The following SYN2 variants were observed in gnomAD, a reference collection of about 807,000 sequenced individuals.
The protein encoded by SYN2 is synapsin-2.
SYN2 carries 19 observed loss-of-function variants against 50.9 expected under a neutral mutation model. The observed-to-expected ratio is 0.37, with a 90% CI of 0.26 to 0.55. The LOEUF (loss-of-function observed/expected upper bound fraction) is 0.55. Ranked by LOEUF, SYN2 falls within the 20% of genes least tolerant of loss-of-function variation. The probability of loss-of-function intolerance (pLI) is 0.81; values close to 1 mark genes in which losing one functional copy is unlikely to be tolerated. For synonymous variants in SYN2, 255 were observed against 224.9 expected (o/e 1.13, Z -1.20); for missense variants, 587 against 576.4 (o/e 1.02, Z -0.19).
intron 1 of SYN2, among the ~76,000 whole-genome samples, chr3:12,125,954 A>T (rs1429004075): frequency 6.6e-6 from 1 of 152,152 alleles, no homozygotes; most frequent in Non-Finnish European, 1.5e-5. Context: ...GAGGTAGGAT[A>T]TGATGATGTC....
chr3:12,088,867 A>C (rs1014940270), intron 1 of SYN2, among the ~76,000 whole-genome samples: 1 of 152,164 alleles, frequency 6.6e-6, no homozygotes, highest in African/African-American at 2.4e-5. Context: ...AATGATGACT[A>C]GGGGAAGTGG....
intron 1 of SYN2, among the ~76,000 whole-genome samples, chr3:12,126,647 G>A (rs755241053): frequency 2.0e-4 from 30 of 152,160 alleles, no homozygotes; most frequent in Admixed American, 7.9e-4. Flanking sequence ...TTCAAATCCT[G>A]AATCTTCCAC....
chr3:12,094,308 A>C (rs540963741), intron 1 of SYN2, among the ~76,000 whole-genome samples: 9 of 152,384 alleles, frequency 5.9e-5, no homozygotes, highest in African/African-American at 1.7e-4. Context: ...TTGGCCCCAG[A>C]AACAGGATGG....
intron 5 of SYN2, chr3:12,158,928 G>T: frequency 7.0e-7 from 1 of 1,422,446 alleles, no homozygotes; most frequent in African/African-American, 1.5e-5. Flanking sequence ...TGTGCCCCTC[G>T]CCCCAGGCTT....
At chr3:12,011,403 G>T (rs762753527) in intron 1 of SYN2, among the ~76,000 whole-genome samples, 1 of 152,170 alleles carries the variant, frequency 6.6e-6, no homozygotes, top group African/African-American at 2.4e-5. Flanking sequence ...GCAGGAAGAC[G>T]TAGTTTTTAG....
chr3:12,143,054 GA>G (rs1236662451), intron 3 of SYN2, among the ~76,000 whole-genome samples: 1 of 152,172 alleles, frequency 6.6e-6, no homozygotes, highest in Non-Finnish European at 1.5e-5. Context: ...GGGTAATGGG[GA>G]TACATGAACG....
At chr3:12,149,817 G>C (rs1239986013) in intron 4 of SYN2, among the ~76,000 whole-genome samples, 3 of 152,066 alleles carry the variant, frequency 2.0e-5, no homozygotes, top group Non-Finnish European at 2.9e-5. Flanking sequence ...ACCTACAAAA[G>C]GACCACAACA....
chr3:12,043,140 G>A (rs1483361638), intron 1 of SYN2, among the ~76,000 whole-genome samples: 3 of 151,112 alleles, frequency 2.0e-5, no homozygotes, highest in East Asian at 3.9e-4. Context: ...CTCCCACCTC[G>A]GCCTCCCAAG....
At chr3:12,171,072 GGACCCT>G (rs1385382104) in intron 10 of SYN2, among the ~76,000 whole-genome samples, 1 of 152,100 alleles carries the variant, frequency 6.6e-6, no homozygotes. Context: ...TAATAAATGT[GGACCCT>G]GACTCTTTCT....
chr3:12,153,472 A>G (rs1245112129), intron 5 of SYN2: 1 of 1,606,620 alleles, frequency 6.2e-7, no homozygotes, highest in Non-Finnish European at 8.5e-7. Flanking sequence ...AACTGGCTTG[A>G]TCTTCAGGAC....
rs112071511 is a variant in SYN2, at chr3:12,068,231, C to A, written c.377+63303C>A. Among the ~76,000 whole-genome samples the A allele has an allele frequency of 0.016, 5 of 306 alleles. No individual in the cohort carries two copies. In the South Asian group the frequency reaches 0.19, roughly 11 times the overall value. The allele number at this position is 306 out of a possible 152,430, so 0.2% of individuals were successfully genotyped here. ...CATGTCTGAAAATATCTTTATACTACCTTGTACTTATTGATAGTTTGCTGG... is the reference window on the plus strand; with the variant it reads ...CATGTCTGAAAATATCTTTATACTAACTTGTACTTATTGATAGTTTGCTGG... On this transcript the variant is annotated intron_variant, in intron 1 of 12. Coordinates refer to ENST00000621198, the MANE Select transcript of SYN2 (RefSeq NM_133625.6).
At chr3:12,143,024 C>T (rs981354208) in intron 3 of SYN2, among the ~76,000 whole-genome samples, 6 of 152,122 alleles carry the variant, frequency 3.9e-5, no homozygotes, top group East Asian at 1.9e-4. Flanking sequence ...TGGATGGGCT[C>T]CTCCAGCTGT....
intron 4 of SYN2, 98 bp from the exon 5 acceptor site, chr3:12,151,139 C>T: frequency 1.2e-6 from 1 of 855,546 alleles, no homozygotes. Flanking sequence ...ATAAAGTCCT[C>T]CACAGAGCAA....
chr3:12,007,389 A>G (rs1170286616), intron 1 of SYN2, among the ~76,000 whole-genome samples: 3 of 146,590 alleles, frequency 2.0e-5, no homozygotes, highest in African/African-American at 8.3e-5. Context: ...CTCTTCTAAT[A>G]TGGGCCTAAA....
At chr3:12,047,411 AG>A (rs1694762993) in intron 1 of SYN2, among the ~76,000 whole-genome samples, 1 of 152,170 alleles carries the variant, frequency 6.6e-6, no homozygotes, top group Admixed American at 6.5e-5. Context: ...GGATGATGGA[AG>A]GGGTACTATT....
intron 11 of SYN2, chr3:12,184,960 A>G: frequency 1.0e-6 from 1 of 985,716 alleles, no homozygotes; most frequent in Non-Finnish European, 1.2e-6. Context: ...GAACTCCCAG[A>G]TCTGAGAAGG....
chr3:12,159,203 A>G, intron 5 of SYN2: 1 of 246,324 alleles, frequency 4.1e-6, no homozygotes. Flanking sequence ...TGAGGACAGA[A>G]AAACTGAGGG....
chr3:12,182,114 A>G (rs1184709754), intron 10 of SYN2, among the ~76,000 whole-genome samples: 2 of 152,204 alleles, frequency 1.3e-5, no homozygotes, highest in Admixed American at 6.5e-5. Flanking sequence ...TGATACTGAG[A>G]AGGTAACACT....
At chr3:12,141,330 T>G (rs1697013587) in intron 2 of SYN2, among the ~76,000 whole-genome samples, 1 of 152,176 alleles carries the variant, frequency 6.6e-6, no homozygotes, top group Non-Finnish European at 1.5e-5. Flanking sequence ...AAGTTTCTCA[T>G]CATTCATTAT....
Sources: allele counts gnomAD v4.1 joint callset (sites outside exome capture counted in the v4.1 genomes callset), GRCh38; gene constraint gnomAD v4.1.1; transcripts MANE v1.5; gene names NCBI Gene and HGNC (gene_info 2026-07-23, HGNC 2026-07-21).